The following IGDCC4 variants were observed in gnomAD, a reference collection of about 807,000 sequenced individuals.
The protein encoded by IGDCC4 is immunoglobulin superfamily DCC subclass member 4, also known as likely ortholog of mouse neighbor of Punc E11.
A neutral mutation model predicts 116.6 loss-of-function variants in IGDCC4; 72 were observed. That is an observed-to-expected ratio of 0.62 (90% CI 0.51 to 0.75). The LOEUF (loss-of-function observed/expected upper bound fraction) is 0.75, where lower values mean the gene tolerates loss of function less well. IGDCC4 is among the 30% of genes least tolerant of loss of function. The pLI is 0.00. For synonymous variants in IGDCC4, 709 were observed against 719.9 expected (o/e 0.98, Z 0.24); for missense variants, 1,501 against 1,662.4 (o/e 0.90, Z 1.69).
Position 65,385,953 on chromosome 15 carries a change from A to G in IGDCC4, c.3058T>C (p.Ser1020Pro), listed in dbSNP as rs1245688617. 1.3e-6 allele frequency: 2 copies of G among 1,569,566 alleles called. No individual in the cohort carries two copies. The highest frequency in any genetic ancestry group is 1.7e-6 in the Non-Finnish European group (2 of 1,159,176). ...PSPPAAHELE[S>P]LVHPHPQDWS... ...TCCTGGGGATGGGGGTGCACAAGGG[A>G]CTCCAATTCATGGGCAGCTGGGGGG... The change falls in exon 18 of 20, where the codon TCC (serine) becomes CCC (proline). Residue 1020 changes from serine to proline, a missense_variant. Physicochemically the swap from Ser to Pro is moderately conservative, Grantham distance 74. Around this residue, in one of 3 missense-constraint regions of IGDCC4, gnomAD observed 368 missense variants for 355.6 expected, o/e 1.03. Transcript: ENST00000352385.
In IGDCC4 at chr15:65,384,851, A is replaced by G; in HGVS notation, c.3342+103T>C. On this transcript the variant is annotated intron_variant, in intron 19 of 19. Transcript: ENST00000352385. This position sits in a 1 kb window ranked among gnomAD's most constrained non-coding sequence, Gnocchi z 4.9. ...GTCTCCTGGCTAGACTTCTATCCCC[A>G]GGAAAGTTACCACCCAGGGGTCTCC... 1.4e-6 allele frequency: 2 copies of G among 1,427,826 alleles called. No homozygotes were observed. The highest frequency in any genetic ancestry group is 2.5e-5 in the East Asian group (1 of 40,472). The allele number at this position is 1,427,826 out of a possible 1,614,324, so 88.4% of individuals were successfully genotyped here.
chr15:65,422,726 G>T, intron 1 of IGDCC4, 67 bp downstream of exon 1: 2 of 1,228,872 alleles, frequency 1.6e-6, no homozygotes, highest in East Asian at 3.4e-5. Context: ...GCAGCCCGAT[G>T]CAGACCAGGG....
chr15:65,395,855 TG>T lies in IGDCC4; in HGVS notation c.1305del (p.Thr436LeufsTer5). The T allele has an allele frequency of 6.3e-7, 1 of 1,578,440 alleles. No individual in the cohort carries two copies. The part of the protein sequence containing the change: ...REGLPSAPTR[V>X]TATPLSSSAV... ...GCGGAGCTGCTCAGTGGCGTAGCAGTGACCCGCGTGGGGGCGCTGGGCAGCC... is the reference window on the plus strand; with the variant it reads ...GCGGAGCTGCTCAGTGGCGTAGCAGTACCCGCGTGGGGGCGCTGGGCAGCC... On this transcript the variant is annotated frameshift_variant, in exon 7 of 20. Transcript: ENST00000352385. LOFTEE classifies it high-confidence loss of function.
chr15:65,416,160 T>TC (rs2063141357), intron 1 of IGDCC4, among the ~76,000 whole-genome samples: 1 of 147,030 alleles, frequency 6.8e-6, no homozygotes, highest in South Asian at 2.2e-4. Flanking sequence ...TTTTTTTTTT[T>TC]TGAGACTCGC....
intron 18 of IGDCC4, 72 bp downstream of exon 18, chr15:65,385,759 G>C: frequency 8.1e-7 from 1 of 1,239,998 alleles, no homozygotes; most frequent in Non-Finnish European, 1.2e-6. Context: ...TGCTCGCATA[G>C]CCACGCGTTG....
chr15:65,384,831 C>T lies in IGDCC4; in HGVS notation c.3342+123G>A, dbSNP rs951290617. On this transcript the variant is annotated intron_variant, in intron 19 of 19. Transcript: ENST00000352385. This position sits in a 1 kb window ranked among gnomAD's most constrained non-coding sequence, Gnocchi z 4.9. ...AACCTTTGGAGGCTCCAGGGGTCTC[C>T]TGGCTAGACTTCTATCCCCAGGAAA... 2.3e-5 allele frequency: 30 copies of T among 1,328,004 alleles called. 1 individual carries two copies. In the African/African-American group the frequency reaches 4.5e-4, roughly 20 times the overall value. The allele number at this position is 1,328,004 out of a possible 1,614,324, so 82.3% of individuals were successfully genotyped here.
At chr15:65,399,568 A>C (rs2062965209) in intron 5 of IGDCC4, among the ~76,000 whole-genome samples, 1 of 152,000 alleles carries the variant, frequency 6.6e-6, no homozygotes, top group Non-Finnish European at 1.5e-5. Flanking sequence ...ATTAAGAAAT[A>C]TTGACATTAG....
rs1478905162 is a variant in IGDCC4 at position 65,382,658 on chromosome 15, A to T, written c.*1351T>A. ...GACTTGAGGATTCAATTTAAAGAAA[A>T]AACAAACTGAAATGAGCTACCCCTT... On this transcript the variant is annotated 3_prime_UTR_variant, in exon 20 of 20. Coordinates refer to ENST00000352385, the MANE Select transcript of IGDCC4 (RefSeq NM_020962.3). 1 of 152,252 alleles carries T rather than the reference A, an allele frequency of 6.6e-6. No individual in the cohort carries two copies. Among genetic ancestry groups the T allele is most frequent in the Non-Finnish European group, 1.5e-5 (1 of 68,028 alleles). The allele number at this position is 152,252 out of a possible 1,614,324, so 9.4% of individuals were successfully genotyped here.
At position 65,384,185 on chromosome 15, in the gene IGDCC4, CG is replaced by C; in HGVS notation, c.3576del (p.Pro1194GlnfsTer26). 1 of 1,612,542 alleles carries C rather than the reference CG, an allele frequency of 6.2e-7. No individual in the cohort carries two copies. The highest frequency in any genetic ancestry group is 8.5e-7 in the Non-Finnish European group (1 of 1,179,108). On this transcript the variant is annotated frameshift_variant, in exon 20 of 20. Transcript: ENST00000352385. LOFTEE classifies it high-confidence loss of function. The surrounding 1 kb of genome is among the most constrained non-coding windows in gnomAD (Gnocchi z 4.9). ...RELGGCELAAPGPDRLTCLPE... is the reference protein window; with the variant it reads ...RELGGCELAAXGPDRLTCLPE... Reference sequence around the variant, plus strand: ...GGCAAGCAGGTAAGTCTGTCTGGCCCGGGGGCTGCCAGCTCACACCCTCCCA... The same window carrying C: ...GGCAAGCAGGTAAGTCTGTCTGGCCCGGGGCTGCCAGCTCACACCCTCCCA...
rs1457244393 is a variant in IGDCC4, at chr15:65,392,252, C to G, written c.2004G>C (p.Val668=). Residue 668 remains valine (V), a synonymous_variant, in exon 11 of 20, where the codon GTG becomes GTC. Transcript: ENST00000352385. ...CGCCATTGGCCTCCTCCTCAGCCCC[C>G]ACCTCCCGCCAATATAGTTTGTAGC... ...ISGYKLYWRE[V]GAEEEANGDR... 7 of 1,610,874 alleles carry G rather than the reference C, an allele frequency of 4.3e-6. No homozygotes were observed. The highest frequency in any genetic ancestry group is 5.1e-6 in the Non-Finnish European group (6 of 1,178,084).
chr15:65,417,502 C>A (rs984969740), intron 1 of IGDCC4, among the ~76,000 whole-genome samples: 3 of 152,200 alleles, frequency 2.0e-5, no homozygotes, highest in African/African-American at 7.2e-5. Context: ...CTCTCACTCC[C>A]TAGAACAGCT....
chr15:65,393,581 A>T lies in IGDCC4; in HGVS notation c.1715-50T>A. 2 of 1,537,444 alleles carry T rather than the reference A, an allele frequency of 1.3e-6. No individual in the cohort carries two copies. The highest frequency in any genetic ancestry group is 1.8e-6 in the Non-Finnish European group (2 of 1,134,624). On this transcript the variant is annotated intron_variant, in intron 9 of 19. Coordinates refer to ENST00000352385, the MANE Select transcript of IGDCC4 (RefSeq NM_020962.3). The surrounding 1 kb of genome is among the most constrained non-coding windows in gnomAD (Gnocchi z 4.6). ...GCTGGGTAGCCACCTGAGGAACAGG[A>T]TCCTAAACCCCCCTACATGGCTCTT... is the stretch of plus-strand genomic sequence containing the variant.
At chr15:65,416,990 G>A (rs1343329487) in intron 1 of IGDCC4, among the ~76,000 whole-genome samples, 3 of 151,876 alleles carry the variant, frequency 2.0e-5, no homozygotes, top group Admixed American at 1.3e-4. Flanking sequence ...TCTTAGGGAA[G>A]GGGCGTGTAG....
intron 1 of IGDCC4, among the ~76,000 whole-genome samples, chr15:65,419,354 T>G (rs1054831135): frequency 4.0e-5 from 6 of 151,840 alleles, no homozygotes; most frequent in Non-Finnish European, 8.8e-5. Context: ...GGTATGAGCC[T>G]GGCCTGAAAT....
At position 65,384,062 on chromosome 15, in the gene IGDCC4, G is replaced by A. The variant is rs778980312; in HGVS notation, c.3700C>T (p.Pro1234Ser). Residue 1234 changes from proline to serine, a missense_variant, in exon 20 of 20, where the codon CCT becomes TCT. Pro to Ser is a moderately conservative substitution (Grantham distance 74). This residue lies in a region of IGDCC4 where 368 missense variants were observed against 355.6 expected (regional missense o/e 1.03). Transcript: ENST00000352385. The surrounding 1 kb of genome is among the most constrained non-coding windows in gnomAD (Gnocchi z 4.9). ...GDSCQLKSPC[P>S]LGASPGLPRS... ...GGCAGGCCTGGGCTGGCTCCTAGAG[G>A]GCAGGGGGATTTGAGCTGGCAGCTA... 6.2e-7 allele frequency: 1 copy of A among 1,613,252 alleles called. No individual in the cohort carries two copies. Among genetic ancestry groups the A allele is most frequent in the Non-Finnish European group, 8.5e-7 (1 of 1,179,468 alleles).
intron 5 of IGDCC4, 47 bp downstream of exon 5, chr15:65,400,759 A>T: frequency 2.6e-6 from 4 of 1,550,850 alleles, no homozygotes; most frequent in Non-Finnish European, 3.5e-6. Flanking sequence ...GTGAGATGCC[A>T]CATCCCTCCC....
intron 3 of IGDCC4, among the ~76,000 whole-genome samples, chr15:65,405,131 G>T (rs573473591): frequency 4.9e-5 from 4 of 81,322 alleles, no homozygotes; most frequent in Admixed American, 3.2e-4. Flanking sequence ...TTAGTTAGTG[G>T]GGGGGGGGGA....
intron 3 of IGDCC4, among the ~76,000 whole-genome samples, chr15:65,405,588 T>C (rs1021171064): frequency 6.6e-6 from 1 of 152,204 alleles, no homozygotes; most frequent in African/African-American, 2.4e-5. Flanking sequence ...TGAGCTCACA[T>C]TAGATAACGG....
At chr15:65,413,113 G>A (rs1160775247) in intron 1 of IGDCC4, among the ~76,000 whole-genome samples, 1 of 151,774 alleles carries the variant, frequency 6.6e-6, no homozygotes, top group East Asian at 1.9e-4. Flanking sequence ...GCTGTTTGGG[G>A]GAGCCACCTG....
Sources: gnomAD v4.1 joint callset for allele counts (sites outside exome capture counted in the v4.1 genomes callset) on GRCh38, gnomAD v4.1.1 for gene constraint, gnomAD v4.1.1 regional missense constraint, Gnocchi (gnomAD v3.1) non-coding constraint, MANE v1.5 for transcripts, NCBI Gene and HGNC (gene_info 2026-07-23, HGNC 2026-07-21) for gene names.